Variants in IGFBP7 observed in about 807,000 individuals in gnomAD.
IGFBP7 encodes the protein insulin like growth factor binding protein 7, also known as insulin-like growth factor-binding protein 7.
In IGFBP7, 31 loss-of-function variants were observed where a neutral mutation model predicts 29.4. That is an observed-to-expected ratio of 1.05 (90% confidence interval 0.79 to 1.42). The LOEUF (loss-of-function observed/expected upper bound fraction) is 1.42, where lower values mean the gene tolerates loss of function less well. Among genes scored for constraint, IGFBP7 ranks in the 40% most tolerant of loss-of-function variants. The probability of loss-of-function intolerance (pLI) is 0.00; values close to 1 mark genes in which losing one functional copy is unlikely to be tolerated. For synonymous variants in IGFBP7, 172 were observed against 174.9 expected (o/e 0.98, Z 0.13); for missense variants, 393 against 395.5 (o/e 0.99, Z 0.05).
chr4:57,062,403 G>C (rs1454642497), intron 1 of IGFBP7, among the ~76,000 whole-genome samples: 1 of 152,194 alleles, frequency 6.6e-6, no homozygotes, highest in Non-Finnish European at 1.5e-5. Context: ...CATATTGCTG[G>C]AATCATAAAC....
intron 1 of IGFBP7, among the ~76,000 whole-genome samples, chr4:57,045,010 A>G (rs1724323334): frequency 6.6e-6 from 1 of 152,210 alleles, no homozygotes; most frequent in Non-Finnish European, 1.5e-5. Flanking sequence ...GTGCCCAGCC[A>G]TGAATTCTTT....
At chr4:57,068,262 C>A (rs922313157) in intron 1 of IGFBP7, among the ~76,000 whole-genome samples, 60 of 150,848 alleles carry the variant, frequency 4.0e-4, no homozygotes, top group Non-Finnish European at 5.3e-4. Flanking sequence ...TGTACTCTAG[C>A]CTGGGTGACA....
At chr4:57,073,915 G>A (rs568586780) in intron 1 of IGFBP7, among the ~76,000 whole-genome samples, 10 of 152,296 alleles carry the variant, frequency 6.6e-5, no homozygotes, top group African/African-American at 1.7e-4. Context: ...GAGGAAAAAG[G>A]GAAGAGGAAA....
intron 1 of IGFBP7, among the ~76,000 whole-genome samples, chr4:57,067,799 C>T (rs993438235): frequency 1.3e-5 from 2 of 151,396 alleles, no homozygotes; most frequent in African/African-American, 4.9e-5. Context: ...AATAGACCAC[C>T]GAGTATTGTA....
chr4:57,043,069 TC>T, intron 1 of IGFBP7, among the ~76,000 whole-genome samples: 1 of 152,356 alleles, frequency 6.6e-6, no homozygotes, highest in South Asian at 2.1e-4. Flanking sequence ...CGGCCTGGCT[TC>T]CCGGCATCTG....
At chr4:57,073,406 A>G (rs1039649922) in intron 1 of IGFBP7, among the ~76,000 whole-genome samples, 1 of 151,688 alleles carries the variant, frequency 6.6e-6, no homozygotes, top group Non-Finnish European at 1.5e-5. Flanking sequence ...ACCAGCCCGG[A>G]CAACATAGCA....
At chr4:57,061,876 T>A (rs775442971) in intron 1 of IGFBP7, among the ~76,000 whole-genome samples, 2 of 152,204 alleles carry the variant, frequency 1.3e-5, no homozygotes, top group Non-Finnish European at 2.9e-5. Context: ...GTTGCCAGGC[T>A]GGTCTCAAAC....
chr4:57,037,564 T>C (rs1724113921), intron 2 of IGFBP7, among the ~76,000 whole-genome samples: 1 of 151,952 alleles, frequency 6.6e-6, no homozygotes. Flanking sequence ...TGTTTCTGAC[T>C]AGCCCTGAGG....
chr4:57,055,914 G>C (rs531552814), intron 1 of IGFBP7, among the ~76,000 whole-genome samples: 1 of 152,128 alleles, frequency 6.6e-6, no homozygotes, highest in Non-Finnish European at 1.5e-5. Context: ...CTCTGTGTGC[G>C]AATAGCCCCC....
intron 1 of IGFBP7, among the ~76,000 whole-genome samples, chr4:57,049,763 G>A (rs955134864): frequency 6.6e-6 from 1 of 152,072 alleles, no homozygotes; most frequent in African/African-American, 2.4e-5. Context: ...CAGGAACTAC[G>A]GAATCAAAAG....
intron 1 of IGFBP7, among the ~76,000 whole-genome samples, chr4:57,078,987 T>C (rs1239603993): frequency 6.6e-6 from 1 of 152,216 alleles, no homozygotes; most frequent in African/African-American, 2.4e-5. Context: ...CAATACCTCC[T>C]GCTGCGGTGG....
chr4:57,077,371 G>A (rs1713981), intron 1 of IGFBP7, among the ~76,000 whole-genome samples: 95,813 of 151,962 alleles, frequency 0.63, 30,674 homozygotes, highest in East Asian at 0.89. Context: ...TCCATCTCCC[G>A]GGTTCAAGCG....
chr4:57,062,165 T>C (rs1023953942), intron 1 of IGFBP7, among the ~76,000 whole-genome samples: 4 of 152,156 alleles, frequency 2.6e-5, no homozygotes, highest in African/African-American at 9.7e-5. Flanking sequence ...GATGCTACCG[T>C]GATACCTGTC....
At chr4:57,064,574 C>T (rs1724875010) in intron 1 of IGFBP7, among the ~76,000 whole-genome samples, 1 of 152,174 alleles carries the variant, frequency 6.6e-6, no homozygotes, top group East Asian at 1.9e-4. Context: ...AAATCTCTTG[C>T]TAAGGTGCAG....
chr4:57,050,337 T>A (rs1241080802), intron 1 of IGFBP7, among the ~76,000 whole-genome samples: 3 of 151,412 alleles, frequency 2.0e-5, no homozygotes, highest in Non-Finnish European at 4.4e-5. Flanking sequence ...CTCTGCCCTG[T>A]GGGTTCAAGC....
chr4:57,043,285 T>G (rs1391903516), intron 1 of IGFBP7, among the ~76,000 whole-genome samples: 1 of 152,186 alleles, frequency 6.6e-6, no homozygotes, highest in Non-Finnish European at 1.5e-5. Flanking sequence ...ATTCCATGCT[T>G]AGCATGGTTT....
intron 1 of IGFBP7, among the ~76,000 whole-genome samples, chr4:57,104,160 T>C (rs1053077443): frequency 6.6e-6 from 1 of 152,182 alleles, no homozygotes; most frequent in African/African-American, 2.4e-5. Flanking sequence ...CCAGGTCCCC[T>C]CATGTTGTGG....
chr4:57,077,667 TCA>T (rs1725259689), intron 1 of IGFBP7, among the ~76,000 whole-genome samples: 1 of 152,212 alleles, frequency 6.6e-6, no homozygotes, highest in Non-Finnish European at 1.5e-5. Context: ...AATGCAGCCT[TCA>T]GTTGAATCTT....
chr4:57,064,180 C>T (rs543732414), intron 1 of IGFBP7, among the ~76,000 whole-genome samples: 85 of 152,206 alleles, frequency 5.6e-4, no homozygotes, highest in Admixed American at 2.0e-3. Context: ...CTCTACCCCT[C>T]CAAAAAACAC....
Sources: gnomAD v4.1 joint callset for allele counts (sites outside exome capture counted in the v4.1 genomes callset) on GRCh38, gnomAD v4.1.1 for gene constraint, MANE v1.5 for transcripts, NCBI Gene and HGNC (gene_info 2026-07-23, HGNC 2026-07-21) for gene names.